The following DHX8 variants were observed in gnomAD, a reference collection of about 807,000 sequenced individuals.
DHX8 encodes the protein ATP-dependent RNA helicase DHX8.
Under a neutral mutation model 140.7 loss-of-function variants are expected in DHX8, and 67 were observed. That is an observed-to-expected ratio of 0.48 (90% CI 0.39 to 0.58). DHX8 has a LOEUF of 0.58. Among genes scored for constraint, DHX8 ranks in the 20% least tolerant of loss-of-function variants. The probability of loss-of-function intolerance (pLI) is 0.00; values close to 1 mark genes in which losing one functional copy is unlikely to be tolerated. For missense variants in DHX8, 887 were observed against 1,550.7 expected, an observed-to-expected ratio of 0.57 and a Z score of 7.19; for synonymous variants, 533 against 553.2, an observed-to-expected ratio of 0.96 and a Z score of 0.51.
intron 1 of DHX8, among the ~76,000 whole-genome samples, chr17:43,484,913 G>A (rs930187684): frequency 6.6e-6 from 1 of 152,190 alleles, no homozygotes; most frequent in Non-Finnish European, 1.5e-5. Flanking sequence ...AAAGTGTTGG[G>A]ATTACAGGCG....
chr17:43,495,426 A>G (rs986093100), intron 8 of DHX8, among the ~76,000 whole-genome samples: 3 of 152,182 alleles, frequency 2.0e-5, no homozygotes. Context: ...CCTCAGGCAC[A>G]TGCCACCATG....
downstream of DHX8, chr17:43,525,944 C>G (rs1970599261): frequency 1.0e-6 from 1 of 985,288 alleles, no homozygotes. Context: ...TAAGAGACAG[C>G]AGGGTTCGTT....
intron 8 of DHX8, 38 bp from the exon 9 acceptor site, chr17:43,496,143 T>C: frequency 1.8e-5 from 27 of 1,517,616 alleles, no homozygotes; most frequent in Non-Finnish European, 2.5e-5. Context: ...GTTTTGATCT[T>C]AGCAGGTTAC....
chr17:43,506,798 G>A (rs1969520155), intron 12 of DHX8, among the ~76,000 whole-genome samples: 2 of 152,050 alleles, frequency 1.3e-5, no homozygotes, highest in South Asian at 4.1e-4. Context: ...ACAGTGGGAA[G>A]GAACATTTTT....
rs1182158023 is a variant in DHX8, at chr17:43,517,159, C to A, written c.2644-8C>A. On this transcript the variant is annotated splice_region_variant and splice_polypyrimidine_tract_variant and intron_variant, in intron 17 of 22. Coordinates refer to ENST00000262415, the MANE Select transcript of DHX8 (RefSeq NM_004941.3). ...AGATATGTTGCTTTTATATGCCCAC[C>A]CCTCTAGGCTCAGGCAAAGCAACGA... The A allele has an allele frequency of 6.2e-7, 1 of 1,606,724 alleles. No individual in the cohort carries two copies. The highest frequency in any genetic ancestry group is 1.3e-5 in the African/African-American group (1 of 74,392).
At chr17:43,533,127 A>G in intron 2 of DHX8, 1 of 1,586,646 alleles carries the variant, frequency 6.3e-7, no homozygotes, top group Non-Finnish European at 8.6e-7. Context: ...TTTATGGAGA[A>G]CACTCAGGAA....
chr17:43,539,156 A>G (rs1276872570), intron 3 of DHX8, among the ~76,000 whole-genome samples: 1 of 152,128 alleles, frequency 6.6e-6, no homozygotes, highest in Admixed American at 6.5e-5. Flanking sequence ...ATGAAATCCA[A>G]ACGCTTGCCC....
chr17:43,486,621 A>T (rs1207500545), intron 1 of DHX8, among the ~76,000 whole-genome samples: 1 of 152,108 alleles, frequency 6.6e-6, no homozygotes. Context: ...TGGCTCACAC[A>T]TGTAATCCCA....
chr17:43,514,921 G>A (rs1203225312), intron 17 of DHX8, among the ~76,000 whole-genome samples: 2 of 152,188 alleles, frequency 1.3e-5, no homozygotes, highest in African/African-American at 2.4e-5. Flanking sequence ...CAGCATGAAT[G>A]GTATAATCCA....
chr17:43,519,757 A>G (rs1970282319), intron 18 of DHX8: 1 of 175,298 alleles, frequency 5.7e-6, no homozygotes, highest in Admixed American at 6.4e-5. Flanking sequence ...CCCAGCCAAC[A>G]TGGTAAAACG....
intron 2 of DHX8, chr17:43,532,855 T>G: frequency 6.2e-7 from 1 of 1,613,254 alleles, no homozygotes; most frequent in Non-Finnish European, 8.5e-7. Context: ...ACAGCTGGTG[T>G]TGGTAGGGGG....
intron 22 of DHX8, among the ~76,000 whole-genome samples, chr17:43,523,147 A>T (rs1449985422): frequency 1.3e-5 from 2 of 152,062 alleles, no homozygotes; most frequent in Admixed American, 6.5e-5. Context: ...TAGCATTTTT[A>T]AAAAATTGGA....
intron 11 of DHX8, among the ~76,000 whole-genome samples, chr17:43,502,617 G>A (rs1306294104): frequency 2.6e-5 from 4 of 152,048 alleles, no homozygotes; most frequent in Non-Finnish European, 4.4e-5. Context: ...TAGAGACAGC[G>A]TTTCACCATG....
chr17:43,518,120 A>G (rs1970202508), intron 18 of DHX8: 2 of 152,152 alleles, frequency 1.3e-5, no homozygotes, highest in Non-Finnish European at 2.9e-5. Context: ...GGGGCTGTTA[A>G]TAGTATTTGT....
chr17:43,535,961 A>G (rs139821914), intron 2 of DHX8, among the ~76,000 whole-genome samples: 6 of 152,278 alleles, frequency 3.9e-5, no homozygotes, highest in Non-Finnish European at 8.8e-5. Flanking sequence ...AAATACAAAA[A>G]TTAGCTGGGT....
chr17:43,512,734 A>G (rs771410630), intron 16 of DHX8, among the ~76,000 whole-genome samples: 1 of 152,138 alleles, frequency 6.6e-6, no homozygotes, highest in Non-Finnish European at 1.5e-5. Flanking sequence ...TTTCCAAGCA[A>G]TTGTGTTTTA....
In DHX8 at chr17:43,507,671, T is replaced by C; in HGVS notation, c.2092T>C (p.Phe698Leu). The C allele has an allele frequency of 6.2e-7, 1 of 1,614,092 alleles. No individual in the cohort carries two copies. Among genetic ancestry groups the C allele is most frequent in the Non-Finnish European group, 8.5e-7 (1 of 1,179,962 alleles). ...GAGGACAATTCACACTGATGTGCTCTTTGGATTGTTGAAAAAGGTAACTAG... is the reference window on the plus strand; with the variant it reads ...GAGGACAATTCACACTGATGTGCTCCTTGGATTGTTGAAAAAGGTAACTAG... ...HERTIHTDVLFGLLKKTVQKR... is the reference protein window; with the variant it reads ...HERTIHTDVLLGLLKKTVQKR... The change falls in exon 14 of 23, where the codon TTT (phenylalanine) becomes CTT (leucine). Residue 698 changes from phenylalanine to leucine, a missense_variant. By Grantham distance (22) the Phe-to-Leu change is conservative (BLOSUM62 0). This residue lies in a region of DHX8 where 178 missense variants were observed against 398.5 expected (regional missense o/e 0.45). Coordinates refer to ENST00000262415, the MANE Select transcript of DHX8 (RefSeq NM_004941.3).
At position 43,492,145 on chromosome 17, in the gene DHX8, GT is replaced by G. The variant is rs747374814; in HGVS notation, c.394-30del. On this transcript the variant is annotated intron_variant, in intron 4 of 22. Coordinates refer to ENST00000262415, the MANE Select transcript of DHX8 (RefSeq NM_004941.3). ...TGAGGTACATACAGATTCTTGAGTA[GT>G]TTTTTTTCCTAACTTTGCCGGCCTC... 1.8e-5 allele frequency: 27 copies of G among 1,491,116 alleles called. No homozygotes were observed. The East Asian group carries it at 2.9e-4, about 16-fold the overall frequency. 92.4% of individuals were successfully genotyped at this position (1,491,116 alleles called of 1,614,324 possible).
chr17:43,493,354 C>T lies in DHX8; in HGVS notation c.864-91C>T, dbSNP rs149798991. On this transcript the variant is annotated intron_variant, in intron 6 of 22. Transcript: ENST00000262415. ...GGTACTTTTCTCTTGAGTTTAAGAC[C>T]ATTTTCTTTTGTTAGTTCCAGTAAG... 422 of 1,520,024 alleles carry T rather than the reference C, an allele frequency of 2.8e-4. 4 individuals carry two copies. The African/African-American group carries it at 5.0e-3, about 18-fold the overall frequency. The allele number at this position is 1,520,024 out of a possible 1,614,324, so 94.2% of individuals were successfully genotyped here.
Sources: gnomAD v4.1 joint callset for allele counts (sites outside exome capture counted in the v4.1 genomes callset) on GRCh38, gnomAD v4.1.1 for gene constraint, gnomAD v4.1.1 regional missense constraint, MANE v1.5 for transcripts, NCBI Gene and HGNC (gene_info 2026-07-23, HGNC 2026-07-21) for gene names.